The following TAMALIN variants were observed in gnomAD, a reference collection of about 807,000 sequenced individuals.
TAMALIN encodes trafficking regulator and scaffold protein tamalin, also known as protein TAMALIN.
Under a neutral mutation model 38.5 loss-of-function variants are expected in TAMALIN, and 9 were observed. That is an observed-to-expected ratio of 0.23 (90% CI 0.14 to 0.41). The LOEUF (loss-of-function observed/expected upper bound fraction) is 0.41, where lower values mean the gene tolerates loss of function less well. Ranked by LOEUF, TAMALIN falls within the 10% of genes least tolerant of loss-of-function variation. The pLI is 1.00. For synonymous variants in TAMALIN, 306 were observed against 256.5 expected (o/e 1.19, Z -1.85); for missense variants, 548 against 554.1 (o/e 0.99, Z 0.11).
At chr12:52,009,096 C>T in intron 1 of TAMALIN, 94 bp from the exon 2 acceptor site, 12 of 1,206,226 alleles carry the variant, frequency 9.9e-6, no homozygotes, top group Non-Finnish European at 1.5e-5. Context: ...AAGGGGCAGA[C>T]AGGAAGTGGG....
At chr12:52,008,221 G>A (rs192986501) in intron 1 of TAMALIN, 119 of 985,342 alleles carry the variant, frequency 1.2e-4, no homozygotes, top group Middle Eastern at 5.2e-4. Flanking sequence ...CTTGCCTTGG[G>A]CAGCTTTGGG....
At position 52,014,996 on chromosome 12, in the gene TAMALIN, A is replaced by T; in HGVS notation, c.985A>T (p.Ser329Cys). Residue 329 changes from serine to cysteine, a missense_variant, in exon 8 of 8, where the codon AGC becomes TGC. Physicochemically the swap from Ser to Cys is moderately radical, Grantham distance 112 (BLOSUM62 -1). Around this residue, in one of 3 missense-constraint regions of TAMALIN, gnomAD observed 415 missense variants for 417.0 expected, o/e 1.00. Coordinates refer to ENST00000293662, the MANE Select transcript of TAMALIN (RefSeq NM_181711.4). ...GPGPGPRAAL[S>C]RSASVRCAGP... ...GGGCCCTGGGCCGCGGGCCGCGCTG[A>T]GCCGCAGCGCCAGTGTGCGGTGCGC... 1.0e-6 allele frequency: 1 copy of T among 1,001,424 alleles called. No homozygotes were observed. 62.0% of individuals were successfully genotyped at this position (1,001,424 alleles called of 1,614,324 possible). A position where few individuals can be genotyped will look rare whatever the true frequency, so the allele number is the denominator to read the frequency against.
At position 52,007,103 on chromosome 12, in the gene TAMALIN, G is replaced by A. The variant is rs141044558; in HGVS notation, c.84G>A (p.Ser28=). The A allele has an allele frequency of 0.018, 26,188 of 1,482,092 alleles. 281 individuals are homozygous for A. Among genetic ancestry groups the A allele is most frequent in the Non-Finnish European group, 0.021 (23,534 of 1,123,950 alleles). The allele number at this position is 1,482,092 out of a possible 1,614,324, so 91.8% of individuals were successfully genotyped here. A position where few individuals can be genotyped will look rare whatever the true frequency, so the allele number is the denominator to read the frequency against. ...ACCCCGCCGCCCGGACTCCCGACTCGGAAGTCGCGCCCGCCGCTCCGGTCC... is the reference window on the plus strand; with the variant it reads ...ACCCCGCCGCCCGGACTCCCGACTCAGAAGTCGCGCCCGCCGCTCCGGTCC... ...TPDPAARTPD[S]EVAPAAPVPT... is the part of the protein sequence containing the mutation. Residue 28 remains serine (S), a synonymous_variant, in exon 1 of 8, where the codon TCG becomes TCA. Coordinates refer to ENST00000293662, the MANE Select transcript of TAMALIN (RefSeq NM_181711.4). The surrounding 1 kb of genome is among the most constrained non-coding windows in gnomAD (Gnocchi z 6.7).
chr12:52,014,044 CTTTT>C (rs1937726527), intron 6 of TAMALIN, 87 bp from the exon 7 acceptor site: 30 of 1,546,900 alleles, frequency 1.9e-5, no homozygotes, highest in Non-Finnish European at 2.5e-5. Flanking sequence ...CTGAAGATTT[CTTTT>C]GTCTACTCCC....
rs769197486 is a variant in TAMALIN at position 52,007,188 on chromosome 12, G to T, written c.169G>T (p.Ala57Ser). 1.3e-6 allele frequency: 2 copies of T among 1,516,770 alleles called. No homozygotes were observed. Among genetic ancestry groups the T allele is most frequent in the South Asian group, 1.2e-5 (1 of 80,542 alleles). The allele number at this position is 1,516,770 out of a possible 1,614,324, so 94.0% of individuals were successfully genotyped here. A position where few individuals can be genotyped will look rare whatever the true frequency, so the allele number is the denominator to read the frequency against. Residue 57 changes from alanine (A) to serine (S), a missense_variant, in exon 1 of 8, where the codon GCG becomes TCG. Ala to Ser is a moderately conservative substitution (Grantham distance 99). Transcript: ENST00000293662. This position sits in a 1 kb window ranked among gnomAD's most constrained non-coding sequence, Gnocchi z 6.7. The stretch of plus-strand genomic sequence containing the variant: ...TGGGCCCCCAGCGGACGAGCTGTAC[G>T]CGGCGCTGGAGGACTATCACCCTGC... The part of the protein sequence containing the change: ...TPGPPADELY[A>S]ALEDYHPAEL...
intron 4 of TAMALIN, among the ~76,000 whole-genome samples, chr12:52,013,313 G>A (rs1449683974): frequency 2.0e-5 from 3 of 151,640 alleles, no homozygotes; most frequent in South Asian, 2.1e-4. Context: ...TCCTGACCTC[G>A]TGATCCGCCC....
At chr12:52,014,296 G>A (rs1937732447) in intron 7 of TAMALIN, 95 bp downstream of exon 7, 7 of 1,033,010 alleles carry the variant, frequency 6.8e-6, no homozygotes, top group East Asian at 5.2e-5. Flanking sequence ...AGTAAAGAAC[G>A]GTTTACTAGT....
chr12:52,013,902 A>G lies in TAMALIN; in HGVS notation c.574A>G (p.Ile192Val), dbSNP rs757747087. ...LRLETLYGTSIRKAELEARLQ... is the reference protein window; with the variant it reads ...LRLETLYGTSVRKAELEARLQ... Reference sequence around the variant, plus strand: ...ACTGGAAACTCTATATGGGACATCAATTCGGAAGGCAGAACTGGAGGCTCG... The same window carrying G: ...ACTGGAAACTCTATATGGGACATCAGTTCGGAAGGCAGAACTGGAGGCTCG... The change falls in exon 6 of 8, where the codon ATT becomes GTT. Residue 192 changes from isoleucine (I) to valine (V), a missense_variant. This residue lies in a region of TAMALIN where 415 missense variants were observed against 417.0 expected (regional missense o/e 1.00). Transcript: ENST00000293662. 3 of 1,614,150 alleles carry G rather than the reference A, an allele frequency of 1.9e-6. No individual in the cohort carries two copies. Among genetic ancestry groups the G allele is most frequent in the South Asian group, 2.2e-5 (2 of 91,080 alleles).
rs1942426003 is a variant in TAMALIN, at chr12:52,007,155, G to A, written c.136G>A (p.Ala46Thr). The stretch of plus-strand genomic sequence containing the variant: ...GACCCCGGGACCCCCTGCCGCAGCC[G>A]CCACCCCTGGGCCCCCAGCGGACGA... ...VPTPGPPAAA[A>T]TPGPPADELY... The change falls in exon 1 of 8, where the codon GCC (alanine) becomes ACC (threonine). Residue 46 changes from alanine (A) to threonine (T), a missense_variant. By Grantham distance (58) the Ala-to-Thr change is moderately conservative. This residue lies in a region of TAMALIN where 128 missense variants were observed against 117.9 expected (regional missense o/e 1.09). Transcript: ENST00000293662. The surrounding 1 kb of genome is among the most constrained non-coding windows in gnomAD (Gnocchi z 6.7). 2 of 1,492,902 alleles carry A rather than the reference G, an allele frequency of 1.3e-6. No individual in the cohort carries two copies. The highest frequency in any genetic ancestry group is 2.3e-5 in the Admixed American group (1 of 43,028). The allele number at this position is 1,492,902 out of a possible 1,614,324, so 92.5% of individuals were successfully genotyped here.
chr12:52,015,228 T>C lies in TAMALIN; in HGVS notation c.*29T>C. Reference sequence around the variant, plus strand: ...CGGGGGCGGGCAGGGAGGTATTTATTTATTTATTCGCAACAGCCAGCGCTA... The same window carrying C: ...CGGGGGCGGGCAGGGAGGTATTTATCTATTTATTCGCAACAGCCAGCGCTA... On this transcript the variant is annotated 3_prime_UTR_variant, in exon 8 of 8. Coordinates refer to ENST00000293662, the MANE Select transcript of TAMALIN (RefSeq NM_181711.4). The C allele has an allele frequency of 1.3e-6, 2 of 1,564,320 alleles. No individual in the cohort carries two copies. Among genetic ancestry groups the C allele is most frequent in the Non-Finnish European group, 1.7e-6 (2 of 1,164,096 alleles).
Position 52,007,264 on chromosome 12 carries a change from A to G in TAMALIN, c.245A>G (p.Lys82Arg). Residue 82 changes from lysine to arginine, a missense_variant and splice_region_variant, in exon 1 of 8, where the codon AAG becomes AGG. Lys to Arg is a conservative substitution (Grantham distance 26, BLOSUM62 2). Coordinates refer to ENST00000293662, the MANE Select transcript of TAMALIN (RefSeq NM_181711.4). This position sits in a 1 kb window ranked among gnomAD's most constrained non-coding sequence, Gnocchi z 6.7. ...AVSGGTLPRRKGSGFRWKNLS... is the reference protein window; with the variant it reads ...AVSGGTLPRRRGSGFRWKNLS... ...TCCGGGGGCACCCTGCCCCGCCGAA[A>G]GGTGCGTCCCCCGCCCGCCTTCAGG... The G allele has an allele frequency of 7.1e-7, 1 of 1,400,962 alleles. No individual in the cohort carries two copies. Among genetic ancestry groups the G allele is most frequent in the Non-Finnish European group, 9.3e-7 (1 of 1,080,640 alleles). 86.8% of individuals were successfully genotyped at this position (1,400,962 alleles called of 1,614,324 possible).
In TAMALIN at chr12:52,011,201, A is replaced by T; in HGVS notation, c.454+60A>T. Reference sequence around the variant, plus strand: ...AGGGGATATGACCTTACTCCCAAGCAAAGGGGGTGAGCAATCTCTCCTGAA... The same window carrying T: ...AGGGGATATGACCTTACTCCCAAGCTAAGGGGGTGAGCAATCTCTCCTGAA... On this transcript the variant is annotated intron_variant, in intron 4 of 7. Transcript: ENST00000293662. This position sits in a 1 kb window ranked among gnomAD's most constrained non-coding sequence, Gnocchi z 5.3. 1 of 1,601,808 alleles carries T rather than the reference A, an allele frequency of 6.2e-7. No homozygotes were observed. Among genetic ancestry groups the T allele is most frequent in the South Asian group, 1.1e-5 (1 of 91,042 alleles).
At position 52,007,076 on chromosome 12, in the gene TAMALIN, G is replaced by A. The variant is rs1246325367; in HGVS notation, c.57G>A (p.Pro19=). The A allele has an allele frequency of 6.8e-7, 1 of 1,471,372 alleles. No homozygotes were observed. The highest frequency in any genetic ancestry group is 8.9e-7 in the Non-Finnish European group (1 of 1,118,604). 91.1% of individuals were successfully genotyped at this position (1,471,372 alleles called of 1,614,324 possible). ...AGAAGGAGGAGGCGGCGGCCACCCCGGACCCCGCCGCCCGGACTCCCGACT... is the reference window on the plus strand; with the variant it reads ...AGAAGGAGGAGGCGGCGGCCACCCCAGACCCCGCCGCCCGGACTCCCGACT... ...LQQKEEAAAT[P]DPAARTPDSE... is the part of the protein sequence containing the mutation. Residue 19 remains proline (P), a synonymous_variant, in exon 1 of 8, where the codon CCG becomes CCA. Coordinates refer to ENST00000293662, the MANE Select transcript of TAMALIN (RefSeq NM_181711.4). The surrounding 1 kb of genome is among the most constrained non-coding windows in gnomAD (Gnocchi z 6.7).
Position 52,015,249 on chromosome 12 carries a change from C to G in TAMALIN, c.*50C>G, listed in dbSNP as rs767195794. The G allele has an allele frequency of 4.6e-5, 70 of 1,521,642 alleles. No homozygotes were observed. In the South Asian group the frequency reaches 7.9e-4, roughly 17 times the overall value. 94.3% of individuals were successfully genotyped at this position (1,521,642 alleles called of 1,614,324 possible). ...TTATTTATTTATTCGCAACAGCCAGCGCTAAAAGAGGGGGAGGCCGAGCCA... is the reference window on the plus strand; with the variant it reads ...TTATTTATTTATTCGCAACAGCCAGGGCTAAAAGAGGGGGAGGCCGAGCCA... On this transcript the variant is annotated 3_prime_UTR_variant, in exon 8 of 8. Coordinates refer to ENST00000293662, the MANE Select transcript of TAMALIN (RefSeq NM_181711.4).
Position 52,013,959 on chromosome 12 carries a change from T to C in TAMALIN, c.615+16T>C. The C allele has an allele frequency of 1.2e-6, 2 of 1,613,434 alleles. No homozygotes were observed. The highest frequency in any genetic ancestry group is 1.7e-6 in the Non-Finnish European group (2 of 1,179,372). ...GTACCTGAAGGTAGGGGAACCTAGA[T>C]AACGTCCAGCCTCCACCCTCCTCTT... On this transcript the variant is annotated intron_variant, in intron 6 of 7. Coordinates refer to ENST00000293662, the MANE Select transcript of TAMALIN (RefSeq NM_181711.4).
At chr12:52,010,783 G>C (rs147950249) in intron 2 of TAMALIN, 98 bp from the exon 3 acceptor site, 2 of 1,270,332 alleles carry the variant, frequency 1.6e-6, no homozygotes, top group African/African-American at 2.9e-5. Context: ...AGTCCTGCTG[G>C]AATGTTCTAG....
chr12:52,012,500 C>G (rs902867014), intron 4 of TAMALIN, among the ~76,000 whole-genome samples: 5 of 152,114 alleles, frequency 3.3e-5, no homozygotes, highest in Admixed American at 3.3e-4. Flanking sequence ...GTGATCCACC[C>G]GCCTCGGCCT....
In TAMALIN at chr12:52,014,943, GC is replaced by G; in HGVS notation, c.936del (p.Ala313ProfsTer16). The G allele has an allele frequency of 1.0e-6, 1 of 998,920 alleles. No individual in the cohort carries two copies. 61.9% of individuals were successfully genotyped at this position (998,920 alleles called of 1,614,324 possible). On this transcript the variant is annotated frameshift_variant, in exon 8 of 8. Transcript: ENST00000293662. LOFTEE classifies it high-confidence loss of function. ...PPPPARAFGP[G>X]PAETPAVGPG... Reference sequence around the variant, plus strand: ...CCCCCGGCCCGCGCCTTCGGCCCGGGCCCCGCCGAGACCCCTGCCGTGGGGC... The same window carrying G: ...CCCCCGGCCCGCGCCTTCGGCCCGGGCCCGCCGAGACCCCTGCCGTGGGGC...
Position 52,011,407 on chromosome 12 carries a change from G to A in TAMALIN, c.454+266G>A, listed in dbSNP as rs1937641069. The A allele has an allele frequency of 3.3e-6, 2 of 603,568 alleles. No homozygotes were observed. The highest frequency in any genetic ancestry group is 5.9e-6 in the Non-Finnish European group (2 of 339,286). 37.4% of individuals were successfully genotyped at this position (603,568 alleles called of 1,614,324 possible). On this transcript the variant is annotated intron_variant, in intron 4 of 7. Transcript: ENST00000293662. This position sits in a 1 kb window ranked among gnomAD's most constrained non-coding sequence, Gnocchi z 5.3. ...GGCAAGGGGATTCCCTGGGCACACT[G>A]CCAGGGCCTAATTAATGGTGGATGA... is the stretch of plus-strand genomic sequence containing the variant.
Sources: allele counts gnomAD v4.1 joint callset (sites outside exome capture counted in the v4.1 genomes callset), GRCh38; gene constraint gnomAD v4.1.1; regional missense constraint gnomAD v4.1.1; non-coding constraint Gnocchi (gnomAD v3.1); transcripts MANE v1.5; gene names NCBI Gene and HGNC (gene_info 2026-07-23, HGNC 2026-07-21).